NRXN3: variants seen among roughly 807,000 people sequenced by gnomAD.
The protein encoded by NRXN3 is neurexin III.
A neutral mutation model predicts 137.6 loss-of-function variants in NRXN3; 32 were observed. That is an observed-to-expected ratio of 0.23 (90% CI 0.18 to 0.31). The LOEUF (loss-of-function observed/expected upper bound fraction) is 0.31, where lower values mean the gene tolerates loss of function less well. NRXN3 is among the 10% of genes least tolerant of loss of function. NRXN3 has a pLI of 1.00. For missense variants in NRXN3, 1,574 were observed against 2,062.5 expected (o/e 0.76, Z 4.59); for synonymous variants, 798 against 784.5 (o/e 1.02, Z -0.29).
At chr14:78,349,814 T>A (rs1421422674) in intron 4 of NRXN3, among the ~76,000 whole-genome samples, 1 of 152,240 alleles carries the variant, frequency 6.6e-6, no homozygotes, top group Non-Finnish European at 1.5e-5. Flanking sequence ...GGTGCTACTG[T>A]GTGCTCAGTG....
chr14:78,835,981 C>T (rs903081501), intron 10 of NRXN3, among the ~76,000 whole-genome samples: 1 of 152,116 alleles, frequency 6.6e-6, no homozygotes, highest in Non-Finnish European at 1.5e-5. Flanking sequence ...TTTTGGCATC[C>T]TGATTGTCCC....
chr14:79,620,110 G>A (rs576539927), intron 16 of NRXN3, among the ~76,000 whole-genome samples: 3 of 151,912 alleles, frequency 2.0e-5, no homozygotes, highest in African/African-American at 7.3e-5. Context: ...AAATAGAAGG[G>A]GATAAACCAA....
intron 19 of NRXN3, among the ~76,000 whole-genome samples, chr14:79,714,256 G>A (rs17836298): frequency 0.12 from 18,458 of 152,124 alleles, 1,240 homozygotes; most frequent in Middle Eastern, 0.27. Context: ...ACTGAAAATA[G>A]AATTTGATTA....
chr14:79,529,521 C>G (rs1242566112), intron 16 of NRXN3, among the ~76,000 whole-genome samples: 2 of 152,170 alleles, frequency 1.3e-5, no homozygotes, highest in South Asian at 4.1e-4. Context: ...TCCCTCACCA[C>G]ATATGTGAGA....
intron 4 of NRXN3, among the ~76,000 whole-genome samples, chr14:78,533,814 C>A (rs1465299113): frequency 1.3e-5 from 2 of 152,184 alleles, no homozygotes; most frequent in African/African-American, 2.4e-5. Context: ...TATAAAGTAC[C>A]ATGCATATGG....
chr14:79,498,864 A>G (rs1310788418), intron 16 of NRXN3, among the ~76,000 whole-genome samples: 1 of 152,206 alleles, frequency 6.6e-6, no homozygotes, highest in African/African-American at 2.4e-5. Context: ...AGCTCACTAC[A>G]GCCTCAAACT....
intron 19 of NRXN3, among the ~76,000 whole-genome samples, chr14:79,791,664 T>C (rs1336880919): frequency 6.6e-6 from 1 of 151,930 alleles, no homozygotes; most frequent in African/African-American, 2.4e-5. Flanking sequence ...TGCCACCTTA[T>C]GGGCACAAGC....
At chr14:79,351,577 A>G (rs968627313) in intron 15 of NRXN3, among the ~76,000 whole-genome samples, 1 of 152,186 alleles carries the variant, frequency 6.6e-6, no homozygotes, top group Non-Finnish European at 1.5e-5. Flanking sequence ...TTCCTAATCT[A>G]CAAAAGGAGG....
chr14:78,953,350 G>C lies in NRXN3; in HGVS notation c.2276-3892G>C, dbSNP rs551259803. On this transcript the variant is annotated intron_variant, in intron 10 of 20. Transcript: ENST00000335750. The stretch of plus-strand genomic sequence containing the variant: ...TCTTAAAGAAATAAGGGTTCCATAG[G>C]GTTACTGTAGGATAGGTCAAGAAAA... Among the ~76,000 whole-genome samples, 10 of 152,232 alleles carry C rather than the reference G, an allele frequency of 6.6e-5. No homozygotes were observed. In the East Asian group the frequency reaches 1.9e-3, roughly 29 times the overall value.
At position 78,918,222 on chromosome 14, in the gene NRXN3, T is replaced by A. The variant is rs1218806781; in HGVS notation, c.2276-39020T>A. On this transcript the variant is annotated intron_variant, in intron 10 of 20. Transcript: ENST00000335750. The stretch of plus-strand genomic sequence containing the variant: ...ATCGCTTGAACCTGGGAGGCAGAGG[T>A]TGCAGTAGGCCGAGATCACGCCATT... 3.6e-5 allele frequency among the ~76,000 whole-genome samples: 5 copies of A among 140,620 alleles called. No individual in the cohort carries two copies. The East Asian group carries it at 1.0e-3, about 30-fold the overall frequency. The allele number at this position is 140,620 out of a possible 152,430, so 92.3% of individuals were successfully genotyped here.
intron 19 of NRXN3, among the ~76,000 whole-genome samples, chr14:79,705,537 T>A (rs1194172753): frequency 6.6e-6 from 1 of 152,176 alleles, no homozygotes; most frequent in Non-Finnish European, 1.5e-5. Context: ...TTTCAGCAAA[T>A]GAAAACAAAG....
At chr14:78,398,591 T>G (rs2153651605) in intron 4 of NRXN3, among the ~76,000 whole-genome samples, 1 of 152,206 alleles carries the variant, frequency 6.6e-6, no homozygotes, top group South Asian at 2.1e-4. Context: ...TACCTCCCTA[T>G]CTAAGAGTGA....
intron 1 of NRXN3, among the ~76,000 whole-genome samples, chr14:78,199,821 CT>C (rs1312953705): frequency 6.6e-6 from 1 of 152,168 alleles, no homozygotes; most frequent in East Asian, 1.9e-4. Context: ...CTGCCTTGGC[CT>C]TTTCTGAGGT....
intron 4 of NRXN3, among the ~76,000 whole-genome samples, chr14:78,628,437 T>C (rs2097488690): frequency 6.6e-6 from 1 of 152,192 alleles, no homozygotes; most frequent in Non-Finnish European, 1.5e-5. Flanking sequence ...ATAATGTACC[T>C]GAAAAATATG....
rs1439566556 is a variant in NRXN3, at chr14:79,756,222, CA to C, written c.4015-48886del. Among the ~76,000 whole-genome samples, 5 of 152,238 alleles carry C rather than the reference CA, an allele frequency of 3.3e-5. No homozygotes were observed. The South Asian group carries it at 1.0e-3, about 32-fold the overall frequency. On this transcript the variant is annotated intron_variant, in intron 19 of 20. Coordinates refer to ENST00000335750, the MANE Select transcript of NRXN3 (RefSeq NM_001330195.2). ...ATCATAGTAAACCATGATTTCCTCA[CA>C]AAATATAGAAGTGTCTGATTTTTGG...
At chr14:78,924,271 G>T (rs1215405997) in intron 10 of NRXN3, among the ~76,000 whole-genome samples, 1 of 152,192 alleles carries the variant, frequency 6.6e-6, no homozygotes, top group Non-Finnish European at 1.5e-5. Context: ...TTTAATACGT[G>T]TGAGTATAGT....
At chr14:78,986,385 C>T (rs933482128) in intron 14 of NRXN3, among the ~76,000 whole-genome samples, 2 of 151,852 alleles carry the variant, frequency 1.3e-5, no homozygotes, top group African/African-American at 4.8e-5. Flanking sequence ...TATCTTTAAT[C>T]CCAAAGTTAA....
intron 16 of NRXN3, among the ~76,000 whole-genome samples, chr14:79,522,042 G>T (rs1322169213): frequency 1.3e-5 from 2 of 152,114 alleles, no homozygotes; most frequent in Non-Finnish European, 2.9e-5. Context: ...TCTTGAAGAG[G>T]CATTGTCTAT....
intron 4 of NRXN3, among the ~76,000 whole-genome samples, chr14:78,387,540 A>G (rs538462497): frequency 6.6e-6 from 1 of 152,338 alleles, no homozygotes; most frequent in East Asian, 1.9e-4. Context: ...AAGCATTGCT[A>G]CATGTGAAGT....
Sources: allele counts gnomAD v4.1 joint callset (sites outside exome capture counted in the v4.1 genomes callset), GRCh38; gene constraint gnomAD v4.1.1; transcripts MANE v1.5; gene names NCBI Gene and HGNC (gene_info 2026-07-23, HGNC 2026-07-21).